CDH18: variants seen among roughly 807,000 people sequenced by gnomAD.
CDH18 encodes cadherin 18.
CDH18 carries 31 observed loss-of-function variants against 67.9 expected under a neutral mutation model. The ratio of observed to expected loss-of-function variants is 0.46; its 90% confidence interval spans 0.34 to 0.62. The LOEUF is 0.62. CDH18 is among the 20% of genes least tolerant of loss of function. The pLI is 0.01. For synonymous variants in CDH18, 362 were observed against 347.2 expected (o/e 1.04, Z -0.48); for missense variants, 890 against 975.5 (o/e 0.91, Z 1.17).
chr5:20,499,803 G>A (rs1205102562), intron 1 of CDH18, among the ~76,000 whole-genome samples: 1 of 152,124 alleles, frequency 6.6e-6, no homozygotes, highest in Non-Finnish European at 1.5e-5. Context: ...ATGTTCACGT[G>A]TGGATGATAA....
At chr5:20,482,572 A>G (rs1049784639) in intron 1 of CDH18, among the ~76,000 whole-genome samples, 5 of 152,142 alleles carry the variant, frequency 3.3e-5, no homozygotes, top group African/African-American at 1.2e-4. Context: ...AAGATAATTT[A>G]TTATGACCAG....
chr5:19,826,991 T>G (rs1780478639), intron 3 of CDH18, among the ~76,000 whole-genome samples: 1 of 152,000 alleles, frequency 6.6e-6, no homozygotes, highest in Admixed American at 6.6e-5. Flanking sequence ...TGACCCTTCT[T>G]ACATGCAATG....
intron 2 of CDH18, among the ~76,000 whole-genome samples, chr5:20,073,909 G>A (rs1380355279): frequency 6.6e-6 from 1 of 151,996 alleles, no homozygotes; most frequent in African/African-American, 2.4e-5. Flanking sequence ...CATTTATATT[G>A]CAGAGCTATT....
At chr5:19,753,986 T>C (rs2149678936) in intron 3 of CDH18, among the ~76,000 whole-genome samples, 1 of 152,248 alleles carries the variant, frequency 6.6e-6, no homozygotes, top group African/African-American at 2.4e-5. Flanking sequence ...GAGCTCTAAA[T>C]CTTGAAACAA....
intron 2 of CDH18, among the ~76,000 whole-genome samples, chr5:20,193,456 TA>T (rs1186833810): frequency 1.3e-5 from 2 of 151,832 alleles, no homozygotes; most frequent in East Asian, 3.9e-4. Flanking sequence ...AGCCTACCAC[TA>T]AAAAATGCCT....
chr5:19,873,881 C>T (rs1197116199), intron 2 of CDH18, among the ~76,000 whole-genome samples: 4 of 152,122 alleles, frequency 2.6e-5, no homozygotes, highest in African/African-American at 7.2e-5. Context: ...CTCCTGAGCT[C>T]AGGGAATCCG....
chr5:20,467,408 G>A (rs1428456691), intron 1 of CDH18, among the ~76,000 whole-genome samples: 1 of 152,078 alleles, frequency 6.6e-6, no homozygotes, highest in Non-Finnish European at 1.5e-5. Flanking sequence ...GCTTAACTAA[G>A]TTTTCAAGAT....
chr5:20,153,136 G>A (rs187974780), intron 2 of CDH18, among the ~76,000 whole-genome samples: 4 of 151,894 alleles, frequency 2.6e-5, no homozygotes, highest in Admixed American at 2.6e-4. Context: ...TACAGACGGG[G>A]TTTCACTGCG....
chr5:19,934,040 C>G (rs1282151094), intron 2 of CDH18, among the ~76,000 whole-genome samples: 1 of 151,132 alleles, frequency 6.6e-6, no homozygotes, highest in Admixed American at 6.6e-5. Flanking sequence ...TCCGGTAGTT[C>G]CAAAAGATAT....
At chr5:20,086,521 G>T (rs566159213) in intron 2 of CDH18, among the ~76,000 whole-genome samples, 226 of 152,232 alleles carry the variant, frequency 1.5e-3, no homozygotes, top group African/African-American at 5.0e-3. Flanking sequence ...TCAACACCTG[G>T]CTTCAAAGCT....
At chr5:20,188,692 T>A (rs1268017563) in intron 2 of CDH18, among the ~76,000 whole-genome samples, 1 of 151,944 alleles carries the variant, frequency 6.6e-6, no homozygotes, top group Admixed American at 6.6e-5. Flanking sequence ...ACTGACTTAT[T>A]GCAATGTCCC....
At chr5:19,642,822 A>C (rs1311671839) in intron 5 of CDH18, among the ~76,000 whole-genome samples, 2 of 152,110 alleles carry the variant, frequency 1.3e-5, no homozygotes, top group Non-Finnish European at 2.9e-5. Context: ...AAATAGGTAA[A>C]TATAGTTCCA....
intron 3 of CDH18, among the ~76,000 whole-genome samples, chr5:19,828,694 A>T (rs1189839800): frequency 6.6e-6 from 1 of 152,204 alleles, no homozygotes; most frequent in Non-Finnish European, 1.5e-5. Context: ...ACATCGCTTC[A>T]TGTTAAAGAA....
intron 5 of CDH18, among the ~76,000 whole-genome samples, chr5:19,613,170 A>G (rs1360315980): frequency 6.6e-6 from 1 of 151,876 alleles, no homozygotes; most frequent in Non-Finnish European, 1.5e-5. Context: ...TAATAAGTAC[A>G]TGGTCCCTCA....
intron 5 of CDH18, among the ~76,000 whole-genome samples, chr5:19,661,759 CCTTT>C (rs1757214093): frequency 2.0e-5 from 3 of 151,964 alleles, no homozygotes. Context: ...AAAAATGAAA[CCTTT>C]CTAAGAGCCT....
upstream of CDH18, among the ~76,000 whole-genome samples, chr5:19,992,286 C>T (rs1800028891): frequency 6.6e-6 from 1 of 151,890 alleles, no homozygotes; most frequent in South Asian, 2.1e-4. Context: ...GGTAAAACTC[C>T]TCAATTTCTA....
intron 6 of CDH18, among the ~76,000 whole-genome samples, chr5:19,609,297 T>A (rs1748578505): frequency 6.6e-6 from 1 of 151,940 alleles, no homozygotes; most frequent in Non-Finnish European, 1.5e-5. Flanking sequence ...TTGCTTTGTT[T>A]TGTTTGAGTG....
rs956692730 is a variant in CDH18 at position 20,325,350 on chromosome 5, G to A, written c.-579-69845C>T. On this transcript the variant is annotated intron_variant, in intron 1 of 14. Coordinates refer to the CDH18 transcript ENST00000507958. ...AGGTATCTGCCTTTCCTAGTATATT[G>A]TATCCCACTTGTGGACAGAGATAAG... Among the ~76,000 whole-genome samples the A allele has an allele frequency of 1.2e-4, 18 of 152,024 alleles. 1 individual carries two copies. Among genetic ancestry groups the A allele is most frequent in the African/African-American group, 4.1e-4 (17 of 41,368 alleles).
rs1349304916 is a variant in CDH18, at chr5:19,485,413, G to C, written c.1631-1861C>G. 5.9e-5 allele frequency among the ~76,000 whole-genome samples: 9 copies of C among 152,124 alleles called. No homozygotes were observed. In the East Asian group the frequency reaches 1.7e-3, roughly 30 times the overall value. On this transcript the variant is annotated intron_variant, in intron 11 of 12. Transcript: ENST00000382275. The stretch of plus-strand genomic sequence containing the variant: ...TGGGACTACAGGCGCCTGCCAACAT[G>C]CCTGGCTAATTTTTTGTATTTTTAG...
Sources: allele counts gnomAD v4.1 joint callset (sites outside exome capture counted in the v4.1 genomes callset), GRCh38; gene constraint gnomAD v4.1.1; transcripts MANE v1.5; gene names NCBI Gene and HGNC (gene_info 2026-07-23, HGNC 2026-07-21).